ADAMTS12: variants seen among roughly 807,000 people sequenced by gnomAD.
The protein encoded by ADAMTS12 is A disintegrin and metalloproteinase with thrombospondin motifs 12.
Under a neutral mutation model 167.8 loss-of-function variants are expected in ADAMTS12, and 118 were observed. That is an observed-to-expected ratio of 0.70 (90% CI 0.61 to 0.82). The LOEUF (loss-of-function observed/expected upper bound fraction) is 0.82. ADAMTS12 is among the 40% of genes least tolerant of loss of function. The pLI is 0.00. For missense variants in ADAMTS12, 1,916 were observed against 1,998.8 expected (o/e 0.96, Z 0.79); for synonymous variants, 704 against 716.9 (o/e 0.98, Z 0.29).
chr5:33,778,095 T>G (rs538871764), intron 2 of ADAMTS12, among the ~76,000 whole-genome samples: 2 of 152,122 alleles, frequency 1.3e-5, no homozygotes, highest in Admixed American at 1.3e-4. Flanking sequence ...ATATCAGTAC[T>G]ACCCAAAGCA....
chr5:33,682,293 A>G lies in ADAMTS12; in HGVS notation c.915+725T>C, dbSNP rs146193258. Among the ~76,000 whole-genome samples the G allele has an allele frequency of 1.8e-4, 28 of 152,294 alleles. 1 individual carries two copies. In the East Asian group the frequency reaches 5.4e-3, roughly 29 times the overall value. On this transcript the variant is annotated intron_variant, in intron 5 of 23. Transcript: ENST00000504830. ...TTGGGGAATGGAGGTGGCAGAACTGAGATTATTTAGGAAGGGAGTAATCAA... is the reference window on the plus strand; with the variant it reads ...TTGGGGAATGGAGGTGGCAGAACTGGGATTATTTAGGAAGGGAGTAATCAA...
chr5:33,595,073 T>A (rs1421671470), intron 17 of ADAMTS12, among the ~76,000 whole-genome samples: 8 of 152,118 alleles, frequency 5.3e-5, no homozygotes. Context: ...TCAACCAATA[T>A]TCCTTCCTTT....
intron 13 of ADAMTS12, among the ~76,000 whole-genome samples, chr5:33,625,330 A>G (rs1412049240): frequency 6.6e-6 from 1 of 151,588 alleles, no homozygotes; most frequent in Non-Finnish European, 1.5e-5. Flanking sequence ...AAATTTAATT[A>G]TGCTAATAAC....
chr5:33,847,111 G>A (rs892364043), intron 2 of ADAMTS12, among the ~76,000 whole-genome samples: 1 of 152,220 alleles, frequency 6.6e-6, no homozygotes, highest in Non-Finnish European at 1.5e-5. Flanking sequence ...AAGTTGGCCT[G>A]TGAGAAGAAC....
intron 2 of ADAMTS12, among the ~76,000 whole-genome samples, chr5:33,859,460 T>C (rs1749523109): frequency 6.6e-6 from 1 of 152,200 alleles, no homozygotes; most frequent in South Asian, 2.1e-4. Flanking sequence ...CCTGTCTAGA[T>C]TCCTCCTCTC....
intron 9 of ADAMTS12, among the ~76,000 whole-genome samples, chr5:33,646,180 G>T (rs1740655706): frequency 6.6e-6 from 1 of 151,974 alleles, no homozygotes; most frequent in African/African-American, 2.4e-5. Flanking sequence ...GTAAACAATG[G>T]GATACCCTGG....
intron 2 of ADAMTS12, among the ~76,000 whole-genome samples, chr5:33,764,732 G>A (rs1356188357): frequency 6.6e-6 from 1 of 152,110 alleles, no homozygotes; most frequent in Non-Finnish European, 1.5e-5. Flanking sequence ...TGGGAAATGA[G>A]CTTTAAAATT....
rs144731372 is a variant in ADAMTS12, at chr5:33,591,069, T to G, written c.2655-2260A>C. On this transcript the variant is annotated intron_variant, in intron 17 of 23. Coordinates refer to ENST00000504830, the MANE Select transcript of ADAMTS12 (RefSeq NM_030955.4). ...ATATTTATGGAGATTTTATGTTTTA[T>G]CTAAATGTCTAAGTGTGTGTGTGTG... 2.2e-4 allele frequency among the ~76,000 whole-genome samples: 26 copies of G among 118,680 alleles called. 1 individual carries two copies. In the East Asian group the frequency reaches 7.1e-3, roughly 32 times the overall value. The allele number at this position is 118,680 out of a possible 152,430, so 77.9% of individuals were successfully genotyped here.
intron 2 of ADAMTS12, among the ~76,000 whole-genome samples, chr5:33,822,828 C>T (rs1003543708): frequency 2.4e-4 from 37 of 152,212 alleles, no homozygotes; most frequent in African/African-American, 8.9e-4. Flanking sequence ...TGGCTCACGC[C>T]TGTAATCCCA....
At chr5:33,766,389 CA>C (rs1745534395) in intron 2 of ADAMTS12, among the ~76,000 whole-genome samples, 1 of 151,972 alleles carries the variant, frequency 6.6e-6, no homozygotes, top group Non-Finnish European at 1.5e-5. Flanking sequence ...AAAATCTGAC[CA>C]ATACATCAAG....
chr5:33,695,519 C>A (rs973182664), intron 3 of ADAMTS12, among the ~76,000 whole-genome samples: 1 of 152,020 alleles, frequency 6.6e-6, no homozygotes, highest in Non-Finnish European at 1.5e-5. Context: ...GCCTTATAAA[C>A]AAAGGAAATT....
chr5:33,736,785 A>G (rs1744391772), intron 3 of ADAMTS12, among the ~76,000 whole-genome samples: 2 of 152,182 alleles, frequency 1.3e-5, no homozygotes, highest in African/African-American at 4.8e-5. Flanking sequence ...CCATACTGTG[A>G]TCTGCTGGGG....
chr5:33,610,314 C>G (rs554606682), intron 16 of ADAMTS12, among the ~76,000 whole-genome samples: 2 of 152,170 alleles, frequency 1.3e-5, no homozygotes, highest in Non-Finnish European at 2.9e-5. Context: ...GAATGAGACA[C>G]CATATTTCCG....
At chr5:33,686,799 TAG>T (rs1212232283) in intron 3 of ADAMTS12, among the ~76,000 whole-genome samples, 1 of 149,844 alleles carries the variant, frequency 6.7e-6, no homozygotes, top group Non-Finnish European at 1.5e-5. Context: ...CCTATATATA[TAG>T]AGAGAGAGAG....
rs201222559 is a variant in ADAMTS12 at position 33,782,940 on chromosome 5, CAG to C, written c.490-31394_490-31393del. Among the ~76,000 whole-genome samples, 1,114 of 152,144 alleles carry C rather than the reference CAG, an allele frequency of 7.3e-3. 8 individuals carry two copies. The highest frequency in any genetic ancestry group is 0.012 in the Non-Finnish European group (798 of 67,916). ...TGCTATCAACTTGACCTTACTGACA[CAG>C]AACATTTCCCTCATAAAAGCAGAAC... is the stretch of plus-strand genomic sequence containing the variant. On this transcript the variant is annotated intron_variant, in intron 2 of 23. Transcript: ENST00000504830.
chr5:33,741,543 G>A (rs1007259759), intron 3 of ADAMTS12, among the ~76,000 whole-genome samples: 2 of 152,138 alleles, frequency 1.3e-5, no homozygotes, highest in African/African-American at 4.8e-5. Context: ...ATTTTGGGGA[G>A]GACACCATTT....
intron 17 of ADAMTS12, among the ~76,000 whole-genome samples, chr5:33,593,671 G>A (rs1273954117): frequency 6.6e-6 from 1 of 152,032 alleles, no homozygotes; most frequent in African/African-American, 2.4e-5. Flanking sequence ...CACACACTGG[G>A]GCCTGTAGGG....
At chr5:33,616,614 C>A (rs1425644916) in intron 14 of ADAMTS12, among the ~76,000 whole-genome samples, 2 of 152,202 alleles carry the variant, frequency 1.3e-5, no homozygotes, top group Non-Finnish European at 2.9e-5. Context: ...ATCTTGAATA[C>A]AGCCTATGAT....
At chr5:33,544,990 A>G (rs1744900976) in intron 22 of ADAMTS12, among the ~76,000 whole-genome samples, 1 of 152,260 alleles carries the variant, frequency 6.6e-6, no homozygotes, top group African/African-American at 2.4e-5. Context: ...CAATGGCAAC[A>G]AAAGCCAAAA....
Sources: gnomAD v4.1 joint callset for allele counts (sites outside exome capture counted in the v4.1 genomes callset) on GRCh38, gnomAD v4.1.1 for gene constraint, MANE v1.5 for transcripts, NCBI Gene and HGNC (gene_info 2026-07-23, HGNC 2026-07-21) for gene names.